AKAP9: variants seen among roughly 807,000 people sequenced by gnomAD.
AKAP9 encodes the protein A-kinase anchoring protein 9.
Under a neutral mutation model 488.5 loss-of-function variants are expected in AKAP9, and 311 were observed. That is an observed-to-expected ratio of 0.64 (90% CI 0.58 to 0.70). The LOEUF is 0.70. Among genes scored for constraint, AKAP9 ranks in the 30% least tolerant of loss-of-function variants. The probability of loss-of-function intolerance (pLI) is 0.00; values close to 1 mark genes in which losing one functional copy is unlikely to be tolerated. For missense variants in AKAP9, 4,215 were observed against 4,374.5 expected, an observed-to-expected ratio of 0.96 and a Z score of 1.03; for synonymous variants, 1,462 against 1,483.5, an observed-to-expected ratio of 0.99 and a Z score of 0.33.
In AKAP9 at chr7:92,107,301, A is replaced by G. The variant is rs758073953; in HGVS notation, c.11425A>G (p.Lys3809Glu). Residue 3809 changes from lysine to glutamate, a missense_variant, in exon 48 of 50, where the codon AAG becomes GAG. Coordinates refer to ENST00000356239, the MANE Select transcript of AKAP9 (RefSeq NM_005751.5). ...DGFGLNQGAEKTDSFYHSSGG... is the reference protein window; with the variant it reads ...DGFGLNQGAEETDSFYHSSGG... ...ATTTTGGGTTACTTTAGGTGCAGAAAAGACTGACTCATTTTATCATTCTTC... is the reference window on the plus strand; with the variant it reads ...ATTTTGGGTTACTTTAGGTGCAGAAGAGACTGACTCATTTTATCATTCTTC... The G allele has an allele frequency of 1.9e-6, 3 of 1,613,936 alleles. No individual in the cohort carries two copies. The highest frequency in any genetic ancestry group is 2.5e-6 in the Non-Finnish European group (3 of 1,179,958).
intron 46 of AKAP9, among the ~76,000 whole-genome samples, chr7:92,104,446 C>T (rs1366789348): frequency 6.6e-6 from 1 of 152,142 alleles, no homozygotes; most frequent in East Asian, 1.9e-4. Flanking sequence ...CCGCCTCGGC[C>T]TCCGAAAGTG....
chr7:92,087,864 A>G (rs1462358791), intron 37 of AKAP9, among the ~76,000 whole-genome samples: 1 of 151,160 alleles, frequency 6.6e-6, no homozygotes, highest in African/African-American at 2.4e-5. Flanking sequence ...AACTCATGAG[A>G]CCATACTGAT....
chr7:92,026,484 G>A (rs957319874), intron 14 of AKAP9, among the ~76,000 whole-genome samples: 19 of 152,012 alleles, frequency 1.2e-4, no homozygotes, highest in Admixed American at 1.0e-3. Flanking sequence ...GCAGTCACGC[G>A]CCGCCACGCC....
At chr7:92,025,891 T>C (rs1169655580) in intron 14 of AKAP9, among the ~76,000 whole-genome samples, 2 of 152,198 alleles carry the variant, frequency 1.3e-5, no homozygotes, top group African/African-American at 2.4e-5. Flanking sequence ...GAAATAATAA[T>C]TACTTGCAAA....
chr7:92,024,959 CAG>C (rs1457315124), intron 14 of AKAP9, among the ~76,000 whole-genome samples: 2 of 152,076 alleles, frequency 1.3e-5, no homozygotes, highest in Non-Finnish European at 2.9e-5. Flanking sequence ...GACCATACAT[CAG>C]AAATAGTGGA....
At chr7:92,058,297 T>A (rs1278069160) in intron 22 of AKAP9, 6 of 582,778 alleles carry the variant, frequency 1.0e-5, no homozygotes, top group Non-Finnish European at 2.1e-5. Context: ...TTTGTGAACA[T>A]TTGGATGAAA....
Position 92,097,280 on chromosome 7 carries a change from C to T in AKAP9, c.10321C>T (p.Gln3441Ter), listed in dbSNP as rs755326620. 6.2e-7 allele frequency: 1 copy of T among 1,613,916 alleles called. No individual in the cohort carries two copies. The highest frequency in any genetic ancestry group is 1.1e-5 in the South Asian group (1 of 91,058). Reference sequence around the variant, plus strand: ...AGGACAGCGACTACAAGGAATCATGCAGGAATTCCAGAAGCAAGAACTAGA... The same window carrying T: ...AGGACAGCGACTACAAGGAATCATGTAGGAATTCCAGAAGCAAGAACTAGA... ...LEGQRLQGIM[Q>*]EFQKQELERE... The change falls in exon 41 of 50, where the codon CAG (glutamine) becomes TAG (stop). Residue 3441 changes from glutamine (Q) to a stop codon, truncating the protein, a stop_gained. Transcript: ENST00000356239. LOFTEE classifies it high-confidence loss of function.
rs184534627 is a variant in AKAP9 at position 92,040,361 on chromosome 7, G to A, written c.4693-313G>A. On this transcript the variant is annotated intron_variant, in intron 17 of 49. Transcript: ENST00000356239. ...AGAGGAATAATGGCATTATAGCTTC[G>A]TTAAGAGTAGAAGGAATCTTAAGTA... Among the ~76,000 whole-genome samples the A allele has an allele frequency of 1.1e-3, 171 of 152,050 alleles. 2 individuals are homozygous for A. The Middle Eastern group carries it at 0.017, about 15-fold the overall frequency.
rs554986698 is a variant in AKAP9, at chr7:92,078,532, A to G, written c.6946-547A>G. 1.7e-3 allele frequency among the ~76,000 whole-genome samples: 258 copies of G among 151,546 alleles called. 1 individual carries two copies. The highest frequency in any genetic ancestry group is 6.0e-3 in the African/African-American group (249 of 41,326). On this transcript the variant is annotated intron_variant, in intron 30 of 49. Coordinates refer to ENST00000356239, the MANE Select transcript of AKAP9 (RefSeq NM_005751.5). Reference sequence around the variant, plus strand: ...CAGCTGCAGTGAGCCTCATCATGCCACTGCACTCCAGCTTGGGTGACAGAG... The same window carrying G: ...CAGCTGCAGTGAGCCTCATCATGCCGCTGCACTCCAGCTTGGGTGACAGAG...
chr7:92,028,295 TAAAA>T (rs57352733), intron 14 of AKAP9, among the ~76,000 whole-genome samples: 811 of 65,108 alleles, frequency 0.012, 4 homozygotes, highest in African/African-American at 0.039. Context: ...CAATAAATAC[TAAAA>T]AAAAAAAAAA....
At chr7:92,020,450 C>G (rs1002573256) in intron 12 of AKAP9, among the ~76,000 whole-genome samples, 1 of 152,186 alleles carries the variant, frequency 6.6e-6, no homozygotes, top group East Asian at 1.9e-4. Context: ...GGCATTTCTT[C>G]CTCTGTTCCC....
At chr7:92,058,036 C>T (rs902967821) in intron 22 of AKAP9, 3 of 335,736 alleles carry the variant, frequency 8.9e-6, no homozygotes, top group South Asian at 7.3e-5. Context: ...AATTTTATAA[C>T]ATTTATTTGA....
intron 1 of AKAP9, among the ~76,000 whole-genome samples, chr7:91,963,007 G>A (rs1584597864): frequency 6.6e-6 from 1 of 152,156 alleles, no homozygotes. Flanking sequence ...TGCAGACAAT[G>A]TGGAATTTTA....
intron 1 of AKAP9, among the ~76,000 whole-genome samples, chr7:91,971,976 G>T (rs1200216582): frequency 1.6e-5 from 2 of 122,320 alleles, no homozygotes; most frequent in East Asian, 4.6e-4. Context: ...TTTATGTTTT[G>T]CCTCTCTTTT....
chr7:92,100,830 G>A lies in AKAP9; in HGVS notation c.10897-26G>A, dbSNP rs1169982882. 3.1e-6 allele frequency: 5 copies of A among 1,613,582 alleles called. No homozygotes were observed. The South Asian group carries it at 5.5e-5, about 18-fold the overall frequency. ...AGCTCAGACTTTTCTTCAGAGACTT[G>A]TGTAAGTAGGCTGTGGTCTTTGCAG... On this transcript the variant is annotated intron_variant, in intron 44 of 49. Coordinates refer to ENST00000356239, the MANE Select transcript of AKAP9 (RefSeq NM_005751.5).
At chr7:92,085,100 A>C (rs899266230) in intron 35 of AKAP9, among the ~76,000 whole-genome samples, 160 bp downstream of exon 35, 3 of 152,212 alleles carry the variant, frequency 2.0e-5, no homozygotes, top group Non-Finnish European at 4.4e-5. Context: ...TTTCACAGAT[A>C]ATAAAGTAAG....
intron 18 of AKAP9, chr7:92,041,433 G>A (rs1806094403): frequency 6.5e-6 from 1 of 153,698 alleles, no homozygotes; most frequent in African/African-American, 2.4e-5. Context: ...TCTTTCCAGG[G>A]AAACATCTCT....
chr7:92,020,490 G>T (rs1286771089), intron 12 of AKAP9, among the ~76,000 whole-genome samples: 2 of 152,078 alleles, frequency 1.3e-5, no homozygotes, highest in South Asian at 4.1e-4. Flanking sequence ...TGCTTATCGC[G>T]TTTCTCTTTT....
At chr7:92,076,759 A>G in intron 28 of AKAP9, 96 bp from the exon 29 acceptor site, 2 of 708,524 alleles carry the variant, frequency 2.8e-6, no homozygotes, top group Non-Finnish European at 4.5e-6. Flanking sequence ...TGTTTTAAGC[A>G]TGCATACTTT....
Sources: gnomAD v4.1 joint callset for allele counts (sites outside exome capture counted in the v4.1 genomes callset) on GRCh38, gnomAD v4.1.1 for gene constraint, MANE v1.5 for transcripts, NCBI Gene and HGNC (gene_info 2026-07-23, HGNC 2026-07-21) for gene names.